Variants in GPATCH2 observed in about 807,000 individuals in gnomAD.
GPATCH2 encodes G-patch domain containing 2.
In GPATCH2, 51 loss-of-function variants were observed where a neutral mutation model predicts 58.0. The observed-to-expected ratio is 0.88, with a 90% confidence interval of 0.70 to 1.11. The LOEUF is 1.11. GPATCH2 is among the 50% of genes most tolerant of loss of function. The pLI is 0.00. For synonymous variants in GPATCH2, 222 were observed against 218.5 expected, an observed-to-expected ratio of 1.02 and a Z score of -0.14; for missense variants, 625 against 652.2, an observed-to-expected ratio of 0.96 and a Z score of 0.45.
At chr1:217,497,829 C>T (rs1287271477) in intron 7 of GPATCH2, among the ~76,000 whole-genome samples, 1 of 152,110 alleles carries the variant, frequency 6.6e-6, no homozygotes, top group Non-Finnish European at 1.5e-5. Context: ...GCTGATTTTA[C>T]ATGTAAAAAT....
At chr1:217,481,061 A>G (rs1206413445) in intron 8 of GPATCH2, among the ~76,000 whole-genome samples, 1 of 152,132 alleles carries the variant, frequency 6.6e-6, no homozygotes, top group Non-Finnish European at 1.5e-5. Flanking sequence ...GGTACAAAAC[A>G]AATAGAAAGA....
intron 5 of GPATCH2, among the ~76,000 whole-genome samples, chr1:217,571,383 T>C (rs1181423135): frequency 6.6e-6 from 1 of 152,064 alleles, no homozygotes; most frequent in African/African-American, 2.4e-5. Context: ...AATAAGACCC[T>C]CTTCCCCTCC....
At chr1:217,503,065 C>A (rs1210033122) in intron 6 of GPATCH2, among the ~76,000 whole-genome samples, 1 of 152,184 alleles carries the variant, frequency 6.6e-6, no homozygotes, top group Non-Finnish European at 1.5e-5. Flanking sequence ...GTGTTTATAT[C>A]TTTTTTCTTC....
intron 7 of GPATCH2, among the ~76,000 whole-genome samples, chr1:217,497,220 T>G (rs749308498): frequency 1.3e-5 from 2 of 152,118 alleles, no homozygotes; most frequent in African/African-American, 4.8e-5. Context: ...GCATTGTACA[T>G]AGAGGGATAA....
intron 5 of GPATCH2, among the ~76,000 whole-genome samples, chr1:217,527,549 C>A (rs1468101335): frequency 6.7e-6 from 1 of 148,388 alleles, no homozygotes; most frequent in African/African-American, 2.5e-5. Flanking sequence ...CATCTTTTAT[C>A]TGGATAACCA....
At chr1:217,630,653 C>T (rs112129389) in intron 1 of GPATCH2, among the ~76,000 whole-genome samples, 6,951 of 152,220 alleles carry the variant, frequency 0.046, 216 homozygotes, top group Middle Eastern at 0.095. Context: ...ATGAATTGCT[C>T]CTGGAGTACA....
chr1:217,607,417 C>G (rs748633189), intron 5 of GPATCH2, among the ~76,000 whole-genome samples: 1 of 151,984 alleles, frequency 6.6e-6, no homozygotes, highest in East Asian at 1.9e-4. Flanking sequence ...TTAAATAGCC[C>G]CTTGTATAGT....
intron 5 of GPATCH2, chr1:217,608,505 T>C (rs889245774): frequency 5.3e-5 from 52 of 984,970 alleles, no homozygotes; most frequent in Middle Eastern, 5.2e-4. Flanking sequence ...TCAGTTGTAA[T>C]AGCTTCTATA....
At chr1:217,524,852 A>AAAGGG (rs1663756967) in intron 5 of GPATCH2, among the ~76,000 whole-genome samples, 1 of 4,298 alleles carries the variant, frequency 2.3e-4, no homozygotes, top group Non-Finnish European at 5.4e-4. Flanking sequence ...GAGACCGGGG[A>AAAGGG]GAGGGGAGAG....
rs537832377 is a variant in GPATCH2, at chr1:217,485,436, G to A, written c.1277+6244C>T. 7.3e-5 allele frequency among the ~76,000 whole-genome samples: 11 copies of A among 151,402 alleles called. No individual in the cohort carries two copies. In the East Asian group the frequency reaches 1.4e-3, roughly 19 times the overall value. ...TAAAATTAACCATTACATGGTGTAC[G>A]GTGTTAGGTGTGGGTTGAATATCTT... is the stretch of plus-strand genomic sequence containing the variant. On this transcript the variant is annotated intron_variant, in intron 8 of 9. Coordinates refer to ENST00000366935, the MANE Select transcript of GPATCH2 (RefSeq NM_018040.5).
intron 6 of GPATCH2, among the ~76,000 whole-genome samples, chr1:217,512,263 A>T (rs760556393): frequency 3.3e-5 from 5 of 152,192 alleles, no homozygotes; most frequent in Non-Finnish European, 4.4e-5. Flanking sequence ...TTGAGGCTGC[A>T]GTGAGCCATG....
At chr1:217,623,100 T>G (rs1228704827) in intron 1 of GPATCH2, among the ~76,000 whole-genome samples, 1 of 152,154 alleles carries the variant, frequency 6.6e-6, no homozygotes, top group African/African-American at 2.4e-5. Flanking sequence ...TATTGCACCT[T>G]AAAAAACATT....
chr1:217,543,338 C>T (rs911360802), intron 5 of GPATCH2, among the ~76,000 whole-genome samples: 8 of 146,166 alleles, frequency 5.5e-5, no homozygotes, highest in African/African-American at 1.5e-4. Context: ...GGCGCAATCT[C>T]GGCTCACTGC....
intron 9 of GPATCH2, among the ~76,000 whole-genome samples, chr1:217,443,584 C>A (rs980747605): frequency 6.6e-6 from 1 of 151,996 alleles, no homozygotes; most frequent in African/African-American, 2.4e-5. Flanking sequence ...TCTAAAAATT[C>A]TTATTTTCCT....
At chr1:217,450,257 C>G (rs1659599353) in intron 8 of GPATCH2, among the ~76,000 whole-genome samples, 1 of 151,786 alleles carries the variant, frequency 6.6e-6, no homozygotes, top group Non-Finnish European at 1.5e-5. Flanking sequence ...AACCCATGTT[C>G]TTTTAGTAAG....
At chr1:217,608,705 A>G (rs556613866) in intron 5 of GPATCH2, 1 of 984,370 alleles carries the variant, frequency 1.0e-6, no homozygotes, top group South Asian at 4.7e-5. Flanking sequence ...TCAGATCTAA[A>G]AGACAGTCAT....
chr1:217,446,802 G>A (rs928694969), intron 9 of GPATCH2, among the ~76,000 whole-genome samples: 93 of 152,234 alleles, frequency 6.1e-4, no homozygotes, highest in African/African-American at 2.2e-3. Context: ...TTCAATGTTT[G>A]TACCCATATG....
intron 8 of GPATCH2, among the ~76,000 whole-genome samples, chr1:217,476,899 G>A (rs1183725310): frequency 6.6e-6 from 1 of 152,110 alleles, no homozygotes; most frequent in African/African-American, 2.4e-5. Context: ...ACTAGCGGGG[G>A]TGGTTAAGGG....
chr1:217,527,341 G>A (rs895312037), intron 5 of GPATCH2, among the ~76,000 whole-genome samples: 1 of 152,130 alleles, frequency 6.6e-6, no homozygotes, highest in African/African-American at 2.4e-5. Flanking sequence ...TGTGAGGTGA[G>A]TTCTGGACAA....
Sources: allele counts gnomAD v4.1 joint callset (sites outside exome capture counted in the v4.1 genomes callset), GRCh38; gene constraint gnomAD v4.1.1; transcripts MANE v1.5; gene names NCBI Gene and HGNC (gene_info 2026-07-23, HGNC 2026-07-21).